The following LRRC37A3 variants were observed in gnomAD, a reference collection of about 807,000 sequenced individuals.
LRRC37A3 encodes leucine rich repeat containing 37 member A3.
A neutral mutation model predicts 106.2 loss-of-function variants in LRRC37A3; 25 were observed. That is an observed-to-expected ratio of 0.24 (90% CI 0.17 to 0.33). LRRC37A3 has a LOEUF of 0.33. Ranked by LOEUF, LRRC37A3 falls within the 10% of genes least tolerant of loss-of-function variation. The pLI is 1.00. For missense variants in LRRC37A3, 712 were observed against 1,644.9 expected (o/e 0.43, Z 9.81); for synonymous variants, 305 against 635.8 (o/e 0.48, Z 7.83).
At chr17:64,875,142 T>G (rs938951986) in intron 8 of LRRC37A3, among the ~76,000 whole-genome samples, 5 of 151,950 alleles carry the variant, frequency 3.3e-5, no homozygotes, top group African/African-American at 1.2e-4. Context: ...CTGGGCATGG[T>G]GGTGCATGCC....
At chr17:64,854,992 CA>C (rs1972629504) in intron 14 of LRRC37A3, among the ~76,000 whole-genome samples, 1 of 152,196 alleles carries the variant, frequency 6.6e-6, no homozygotes, top group Non-Finnish European at 1.5e-5. Flanking sequence ...CCTGCGCCAC[CA>C]CACCCAGCTA....
intron 8 of LRRC37A3, among the ~76,000 whole-genome samples, chr17:64,873,061 G>T (rs1210594036): frequency 6.6e-6 from 1 of 152,012 alleles, no homozygotes; most frequent in Admixed American, 6.6e-5. Flanking sequence ...GGGAACACAT[G>T]ACATATAATG....
At chr17:64,918,560 A>G (rs1202961602) in intron 2 of LRRC37A3, among the ~76,000 whole-genome samples, 190 bp downstream of exon 2, 1 of 152,258 alleles carries the variant, frequency 6.6e-6, no homozygotes, top group Non-Finnish European at 1.5e-5. Flanking sequence ...AGAAACAATT[A>G]GAAAAAAGAA....
chr17:64,877,760 A>G (rs1973563314), intron 8 of LRRC37A3, among the ~76,000 whole-genome samples: 1 of 152,224 alleles, frequency 6.6e-6, no homozygotes, highest in African/African-American at 2.4e-5. Flanking sequence ...TCAAAACCCA[A>G]ATCAAATCCA....
At chr17:64,916,132 G>A (rs1301316337) in intron 2 of LRRC37A3, among the ~76,000 whole-genome samples, 4 of 150,658 alleles carry the variant, frequency 2.7e-5, no homozygotes, top group Non-Finnish European at 5.9e-5. Flanking sequence ...GAAGCCTGGC[G>A]TGGTGGCTCA....
intron 5 of LRRC37A3, among the ~76,000 whole-genome samples, chr17:64,889,967 C>T (rs1194339166): frequency 2.8e-5 from 1 of 35,164 alleles, no homozygotes; most frequent in Admixed American, 3.4e-4. Context: ...CTCAAGCACA[C>T]CCCTTGAAGA....
At chr17:64,863,134 C>G in intron 10 of LRRC37A3, 116 bp from the exon 11 acceptor site, 1 of 1,439,950 alleles carries the variant, frequency 6.9e-7, no homozygotes, top group Non-Finnish European at 9.6e-7. Context: ...AGCCTGTGGA[C>G]TGGACAGTTG....
chr17:64,868,733 T>A (rs1351293052), intron 9 of LRRC37A3, among the ~76,000 whole-genome samples, 197 bp from the exon 10 acceptor site: 1 of 121,572 alleles, frequency 8.2e-6, no homozygotes, highest in Non-Finnish European at 1.7e-5. Flanking sequence ...GAACTTACAC[T>A]TTTTTTTTTT....
chr17:64,909,432 C>G (rs1434714667), intron 2 of LRRC37A3, among the ~76,000 whole-genome samples: 1 of 152,230 alleles, frequency 6.6e-6, no homozygotes, highest in African/African-American at 2.4e-5. Flanking sequence ...GTTTGAAAAG[C>G]TGCCTTGAAA....
At chr17:64,916,934 A>C (rs1291042293) in intron 2 of LRRC37A3, among the ~76,000 whole-genome samples, 2 of 150,708 alleles carry the variant, frequency 1.3e-5, no homozygotes. Context: ...TATACTTATT[A>C]AGGTGGCCAA....
chr17:64,917,412 C>T (rs1445883743), intron 2 of LRRC37A3, among the ~76,000 whole-genome samples: 5 of 151,678 alleles, frequency 3.3e-5, no homozygotes, highest in Non-Finnish European at 7.4e-5. Flanking sequence ...AAATCATACT[C>T]CTAGGTATTT....
Position 64,855,865 on chromosome 17 carries a change from G to C in LRRC37A3, c.4834C>G (p.Gln1612Glu), listed in dbSNP as rs1349393034. Residue 1612 changes from glutamine to glutamate, a missense_variant, in exon 14 of 15, where the codon CAA becomes GAA. Coordinates refer to ENST00000584306, the MANE Select transcript of LRRC37A3 (RefSeq NM_199340.5). ...CTTGAGAATCCTTCTTCATCTTCTT[G>C]TAATGACCTTCGGTGACAACAGATC... Reference protein sequence around the residue: ...IEICCHRRSLQEDEEGFSRDS... With the variant: ...IEICCHRRSLEEDEEGFSRDS... 1 of 1,611,666 alleles carries C rather than the reference G, an allele frequency of 6.2e-7. No individual in the cohort carries two copies.
chr17:64,911,378 G>GT (rs1255464237), intron 2 of LRRC37A3, among the ~76,000 whole-genome samples: 3 of 138,186 alleles, frequency 2.2e-5, no homozygotes, highest in Non-Finnish European at 3.1e-5. Flanking sequence ...TTGTTGAAGG[G>GT]TATTTTTGCT....
At chr17:64,909,346 C>A (rs1974532500) in intron 2 of LRRC37A3, among the ~76,000 whole-genome samples, 1 of 152,212 alleles carries the variant, frequency 6.6e-6, no homozygotes, top group South Asian at 2.1e-4. Context: ...TTCAGAACCT[C>A]AGGCCTAAAC....
At chr17:64,918,972 G>T in intron 1 of LRRC37A3, 102 bp from the exon 2 acceptor site, 1 of 1,181,304 alleles carries the variant, frequency 8.5e-7, no homozygotes, top group Non-Finnish European at 1.1e-6. Flanking sequence ...CGGGCCAGGT[G>T]GCTGCCCCCG....
At chr17:64,863,849 G>T (rs1245496332) in intron 10 of LRRC37A3, among the ~76,000 whole-genome samples, 3 of 152,020 alleles carry the variant, frequency 2.0e-5, no homozygotes, top group Non-Finnish European at 4.4e-5. Flanking sequence ...TGTCACCCAG[G>T]CTGAAATACA....
chr17:64,918,685 T>C (rs1286980667), intron 2 of LRRC37A3, 65 bp downstream of exon 2: 1 of 289,492 alleles, frequency 3.5e-6, no homozygotes, highest in East Asian at 1.1e-4. Flanking sequence ...TATCATGGCA[T>C]AAGTGAAAAT....
In LRRC37A3 at chr17:64,859,444, C is replaced by T; in HGVS notation, c.4702G>A (p.Glu1568Lys). ...TCATGTTTCTGTGTAGTCCTCACCTCAAGCGACTTCTCTTTCTGTTCACTC... is the reference window on the plus strand; with the variant it reads ...TCATGTTTCTGTGTAGTCCTCACCTTAAGCGACTTCTCTTTCTGTTCACTC... The part of the protein sequence containing the change: ...AQSEQKEKSL[E>K]FTKELPGYGY... The change falls in exon 12 of 15, where the codon GAG becomes AAG. Residue 1568 changes from glutamate (E) to lysine (K), a missense_variant and splice_region_variant. Coordinates refer to ENST00000584306, the MANE Select transcript of LRRC37A3 (RefSeq NM_199340.5). 9 of 1,565,922 alleles carry T rather than the reference C, an allele frequency of 5.7e-6. No individual in the cohort carries two copies. The highest frequency in any genetic ancestry group is 6.1e-6 in the Non-Finnish European group (7 of 1,144,984).
At position 64,860,073 on chromosome 17, in the gene LRRC37A3, G is replaced by A. The variant is rs1460682992; in HGVS notation, c.4073C>T (p.Ala1358Val). 6.2e-7 allele frequency: 1 copy of A among 1,613,868 alleles called. No individual in the cohort carries two copies. Residue 1358 changes from alanine (A) to valine (V), a missense_variant, in exon 12 of 15, where the codon GCT (alanine) becomes GTT (valine). Coordinates refer to ENST00000584306, the MANE Select transcript of LRRC37A3 (RefSeq NM_199340.5). ...ACTCAGGTCTCTTAAGGATGAAAAA[G>A]CCCCTTGTGAAGGGGAATTTATGAG... ...KSLINSPSQGAFSSLRDLSPQ... is the reference protein window; with the variant it reads ...KSLINSPSQGVFSSLRDLSPQ...
Sources: allele counts gnomAD v4.1 joint callset (sites outside exome capture counted in the v4.1 genomes callset), GRCh38; gene constraint gnomAD v4.1.1; transcripts MANE v1.5; gene names NCBI Gene and HGNC (gene_info 2026-07-23, HGNC 2026-07-21).